The following CLSTN1 variants were observed in gnomAD, a reference collection of about 807,000 sequenced individuals.
The protein encoded by CLSTN1 is calsyntenin 1, also known as calsyntenin-1.
CLSTN1 carries 28 observed loss-of-function variants against 108.3 expected under a neutral mutation model. The ratio of observed to expected loss-of-function variants is 0.26; its 90% CI spans 0.19 to 0.35. The LOEUF (loss-of-function observed/expected upper bound fraction) is 0.35, where lower values mean the gene tolerates loss of function less well. CLSTN1 is among the 10% of genes least tolerant of loss of function. CLSTN1 has a pLI of 1.00. For missense variants in CLSTN1, 1,157 were observed against 1,302.6 expected, an observed-to-expected ratio of 0.89 and a Z score of 1.72; for synonymous variants, 524 against 534.9, an observed-to-expected ratio of 0.98 and a Z score of 0.28.
intron 2 of CLSTN1, among the ~76,000 whole-genome samples, chr1:9,759,699 G>A (rs1381685118): frequency 3.3e-5 from 5 of 152,210 alleles, no homozygotes; most frequent in Admixed American, 1.3e-4. Flanking sequence ...ACATCATTGC[G>A]AAAGAGATCC....
chr1:9,810,142 A>AGGG lies in CLSTN1; in HGVS notation c.91+13500_91+13501insCCC, dbSNP rs1557725517. 1.9e-4 allele frequency among the ~76,000 whole-genome samples: 14 copies of AGGG among 74,162 alleles called. 2 individuals are homozygous for AGGG. In the East Asian group the frequency reaches 2.0e-3, roughly 10 times the overall value. 48.7% of individuals were successfully genotyped at this position (74,162 alleles called of 152,430 possible). ...GAAGGAAGGGAGAAGGCAGGGAGGA[A>AGGG]AGGAGGGGAAGGAGGGGAGGAAGGG... On this transcript the variant is annotated intron_variant, in intron 1 of 18. Coordinates refer to ENST00000377298, the MANE Select transcript of CLSTN1 (RefSeq NM_001009566.3).
intron 2 of CLSTN1, among the ~76,000 whole-genome samples, chr1:9,767,109 G>A (rs1652375177): frequency 6.6e-6 from 1 of 152,242 alleles, no homozygotes; most frequent in Non-Finnish European, 1.5e-5. Context: ...TGGAGTGACT[G>A]TGTTCCAGGC....
At chr1:9,805,074 C>T (rs1307833957) in intron 1 of CLSTN1, among the ~76,000 whole-genome samples, 2 of 151,812 alleles carry the variant, frequency 1.3e-5, no homozygotes, top group East Asian at 1.9e-4. Context: ...GAGCCGAGAT[C>T]GCGCCATAGT....
chr1:9,820,775 C>T (rs956769528), intron 1 of CLSTN1, among the ~76,000 whole-genome samples: 1 of 152,052 alleles, frequency 6.6e-6, no homozygotes, highest in Non-Finnish European at 1.5e-5. Context: ...TGAGGGGAAA[C>T]AGACGATAAA....
intron 5 of CLSTN1, among the ~76,000 whole-genome samples, chr1:9,750,498 T>G (rs1651504188): frequency 6.6e-6 from 1 of 152,034 alleles, no homozygotes; most frequent in Non-Finnish European, 1.5e-5. Context: ...TGCAGTGGCC[T>G]GATCTCGGCT....
At chr1:9,789,566 T>C (rs1653668089) in intron 1 of CLSTN1, among the ~76,000 whole-genome samples, 1 of 151,510 alleles carries the variant, frequency 6.6e-6, no homozygotes, top group African/African-American at 2.4e-5. Context: ...ATACCACTTA[T>C]TTTGAAGCAA....
At chr1:9,790,151 T>C (rs1006688603) in intron 1 of CLSTN1, among the ~76,000 whole-genome samples, 3 of 151,416 alleles carry the variant, frequency 2.0e-5, no homozygotes, top group Non-Finnish European at 2.9e-5. Flanking sequence ...GTTTGTGTTG[T>C]TTCACTCCGA....
At chr1:9,771,311 C>G (rs985832906) in intron 2 of CLSTN1, among the ~76,000 whole-genome samples, 1 of 152,060 alleles carries the variant, frequency 6.6e-6, no homozygotes, top group Admixed American at 6.5e-5. Flanking sequence ...GAAACCTCGT[C>G]TCTACTAAAA....
At chr1:9,779,474 T>C (rs1046327682) in intron 1 of CLSTN1, among the ~76,000 whole-genome samples, 1 of 152,048 alleles carries the variant, frequency 6.6e-6, no homozygotes, top group Non-Finnish European at 1.5e-5. Flanking sequence ...GGAGAATCGC[T>C]TGAACCCGGG....
intron 2 of CLSTN1, among the ~76,000 whole-genome samples, chr1:9,761,914 G>T (rs927542009): frequency 6.6e-6 from 1 of 152,170 alleles, no homozygotes; most frequent in African/African-American, 2.4e-5. Context: ...CTGACTGTAG[G>T]CCAGAGAAAG....
At chr1:9,767,372 G>A (rs1039630799) in intron 2 of CLSTN1, among the ~76,000 whole-genome samples, 4 of 152,018 alleles carry the variant, frequency 2.6e-5, no homozygotes, top group East Asian at 1.9e-4. Context: ...GTAAAACCCC[G>A]TCTCTAATAA....
intron 1 of CLSTN1, among the ~76,000 whole-genome samples, chr1:9,794,220 A>G (rs1224575662): frequency 6.6e-6 from 1 of 151,594 alleles, no homozygotes; most frequent in Non-Finnish European, 1.5e-5. Context: ...TACCTTGTCC[A>G]GAGAATTAAA....
chr1:9,769,445 A>G (rs1359859358), intron 2 of CLSTN1, among the ~76,000 whole-genome samples: 1 of 152,206 alleles, frequency 6.6e-6, no homozygotes, highest in Non-Finnish European at 1.5e-5. Flanking sequence ...ATAGAATGAA[A>G]TAATATCCAG....
rs1650377471 is a variant in CLSTN1, at chr1:9,731,333, A to G, written c.2621T>C (p.Met874Thr). 6.2e-7 allele frequency: 1 copy of G among 1,614,232 alleles called. No homozygotes were observed. Residue 874 changes from methionine (M) to threonine (T), a missense_variant, in exon 18 of 19, where the codon ATG (methionine) becomes ACG (threonine). Coordinates refer to ENST00000377298, the MANE Select transcript of CLSTN1 (RefSeq NM_001009566.3). ...IVVCVSFLVFMIILGVFRIRA... is the reference protein window; with the variant it reads ...IVVCVSFLVFTIILGVFRIRA... ...GATCCGAAATACCCCCAGGATAATCATGAACACCAGGAAGCTGACGCACAC... is the reference window on the plus strand; with the variant it reads ...GATCCGAAATACCCCCAGGATAATCGTGAACACCAGGAAGCTGACGCACAC...
intron 1 of CLSTN1, among the ~76,000 whole-genome samples, chr1:9,798,619 G>A (rs963522157): frequency 5.9e-5 from 9 of 152,138 alleles, no homozygotes; most frequent in African/African-American, 1.9e-4. Flanking sequence ...TGTTTAATGG[G>A]CATGAGGTTT....
chr1:9,731,700 G>A, intron 17 of CLSTN1, 61 bp downstream of exon 17: 1 of 1,532,314 alleles, frequency 6.5e-7, no homozygotes, highest in Non-Finnish European at 9.0e-7. Flanking sequence ...GCCCACGGTG[G>A]GGTGGGGGCA....
Position 9,793,528 on chromosome 1 carries a change from T to A in CLSTN1, c.92-20134A>T, listed in dbSNP as rs991947065. ...TTTGCTGTGGAACAATTTGATGCAC[T>A]CCCCAACAGAGAACAATGGCCTCAC... On this transcript the variant is annotated intron_variant, in intron 1 of 18. Coordinates refer to ENST00000377298, the MANE Select transcript of CLSTN1 (RefSeq NM_001009566.3). 2.0e-5 allele frequency among the ~76,000 whole-genome samples: 3 copies of A among 151,414 alleles called. 1 individual carries two copies. In the Admixed American group the frequency reaches 2.0e-4, roughly 10 times the overall value.
chr1:9,811,731 CAAAAAAA>C (rs34337087), intron 1 of CLSTN1, among the ~76,000 whole-genome samples: 3 of 78,844 alleles, frequency 3.8e-5, no homozygotes, highest in Non-Finnish European at 1.1e-4. Flanking sequence ...AAATGCATGG[CAAAAAAA>C]AAAAAAAAAA....
chr1:9,735,216 G>C (rs369413478), intron 13 of CLSTN1, 42 bp from the exon 14 acceptor site: 2 of 1,596,924 alleles, frequency 1.3e-6, no homozygotes, highest in Non-Finnish European at 8.6e-7. Flanking sequence ...TTTGGGAGCC[G>C]ATCTTGGAGC....
Sources: allele counts gnomAD v4.1 joint callset (sites outside exome capture counted in the v4.1 genomes callset), GRCh38; gene constraint gnomAD v4.1.1; transcripts MANE v1.5; gene names NCBI Gene and HGNC (gene_info 2026-07-23, HGNC 2026-07-21).